The following SAMSN1 variants were observed in gnomAD, a reference collection of about 807,000 sequenced individuals.
SAMSN1 encodes SAM domain-containing protein SAMSN-1.
SAMSN1 carries 31 observed loss-of-function variants against 42.0 expected under a neutral mutation model. The ratio of observed to expected loss-of-function variants is 0.74; its 90% CI spans 0.55 to 1.00. The LOEUF is 1.00. Among genes scored for constraint, SAMSN1 ranks in the 50% least tolerant of loss-of-function variants. The pLI is 0.00. For missense variants in SAMSN1, 464 were observed against 439.4 expected, an observed-to-expected ratio of 1.06 and a Z score of -0.50; for synonymous variants, 178 against 151.9, an observed-to-expected ratio of 1.17 and a Z score of -1.26.
At chr21:14,501,748 AG>A (rs1233432653) in intron 5 of SAMSN1, among the ~76,000 whole-genome samples, 5 of 152,220 alleles carry the variant, frequency 3.3e-5, no homozygotes, top group Non-Finnish European at 5.9e-5. Context: ...ATTCTTTTTA[AG>A]GTATTCATGC....
intron 2 of SAMSN1, among the ~76,000 whole-genome samples, chr21:14,628,683 T>C (rs1317500967): frequency 2.0e-5 from 3 of 152,182 alleles, no homozygotes; most frequent in African/African-American, 7.2e-5. Flanking sequence ...TGAGATCACT[T>C]TGGCAAAGGG....
intron 1 of SAMSN1, among the ~76,000 whole-genome samples, chr21:14,657,692 G>A (rs944409273): frequency 2.0e-5 from 3 of 151,688 alleles, no homozygotes; most frequent in Non-Finnish European, 2.9e-5. Flanking sequence ...ACCTGAAATG[G>A]GATTTCTGCC....
At chr21:14,632,619 T>C (rs1372090758) in intron 2 of SAMSN1, among the ~76,000 whole-genome samples, 1 of 152,202 alleles carries the variant, frequency 6.6e-6, no homozygotes, top group Non-Finnish European at 1.5e-5. Flanking sequence ...TACTCCCAAA[T>C]TTAATGGCTT....
At chr21:14,557,473 A>G (rs1980799422) in intron 2 of SAMSN1, among the ~76,000 whole-genome samples, 1 of 152,134 alleles carries the variant, frequency 6.6e-6, no homozygotes, top group South Asian at 2.1e-4. Context: ...TCATAGTGTG[A>G]CCCAGGTTCC....
intron 5 of SAMSN1, among the ~76,000 whole-genome samples, chr21:14,505,337 G>T (rs1291900129): frequency 2.0e-5 from 3 of 152,148 alleles, no homozygotes; most frequent in Non-Finnish European, 4.4e-5. Flanking sequence ...CAAACTATAT[G>T]CTGCCTTCAA....
intron 1 of SAMSN1, among the ~76,000 whole-genome samples, chr21:14,522,511 T>C (rs571039243): frequency 2.0e-5 from 3 of 152,340 alleles, no homozygotes; most frequent in Non-Finnish European, 4.4e-5. Flanking sequence ...CAGTAATCTA[T>C]AAAACTTTGT....
intron 2 of SAMSN1, among the ~76,000 whole-genome samples, chr21:14,579,465 G>T (rs996846811): frequency 5.3e-5 from 8 of 152,066 alleles, no homozygotes; most frequent in Non-Finnish European, 1.2e-4. Context: ...GGATTTATTA[G>T]AATGAGGAAA....
At chr21:14,611,931 C>T (rs1982718588) in intron 4 of SAMSN1, among the ~76,000 whole-genome samples, 1 of 151,996 alleles carries the variant, frequency 6.6e-6, no homozygotes, top group African/African-American at 2.4e-5. Flanking sequence ...GTTTGGCACA[C>T]TACATTAAAA....
At chr21:14,533,621 C>A (rs1979406285) in intron 1 of SAMSN1, among the ~76,000 whole-genome samples, 1 of 152,134 alleles carries the variant, frequency 6.6e-6, no homozygotes, top group African/African-American at 2.4e-5. Flanking sequence ...AAATATACAA[C>A]TTCAAGGTGA....
At chr21:14,632,493 A>G (rs1342546988) in intron 2 of SAMSN1, among the ~76,000 whole-genome samples, 1 of 152,156 alleles carries the variant, frequency 6.6e-6, no homozygotes, top group African/African-American at 2.4e-5. Flanking sequence ...TAATACAAAT[A>G]ATTGCATTTG....
chr21:14,583,999 A>ATT (rs34155133), upstream of SAMSN1, among the ~76,000 whole-genome samples: 16,903 of 148,978 alleles, frequency 0.11, 1,651 homozygotes, highest in African/African-American at 0.24. Context: ...TGGTTTTACC[A>ATT]TTTTTTTTTT....
At chr21:14,587,893 C>A (rs1260489304), upstream of SAMSN1, among the ~76,000 whole-genome samples, 2 of 102,950 alleles carry the variant, frequency 1.9e-5, no homozygotes, top group East Asian at 7.1e-4. Flanking sequence ...CTATCCCTCC[C>A]CCCTCCCCCC....
intron 2 of SAMSN1, among the ~76,000 whole-genome samples, chr21:14,578,802 G>C (rs193292743): frequency 4.8e-4 from 73 of 150,532 alleles, no homozygotes; most frequent in African/African-American, 1.8e-3. Flanking sequence ...TGGGGTTTAG[G>C]CCCAGCTCCA....
At chr21:14,514,685 G>GT (rs891693890) in intron 3 of SAMSN1, among the ~76,000 whole-genome samples, 4 of 152,050 alleles carry the variant, frequency 2.6e-5, no homozygotes, top group Non-Finnish European at 5.9e-5. Context: ...TTATATTTTT[G>GT]TTTTTATTTA....
chr21:14,506,224 C>T (rs1201554675), intron 5 of SAMSN1, among the ~76,000 whole-genome samples: 2 of 151,714 alleles, frequency 1.3e-5, no homozygotes, highest in Non-Finnish European at 2.9e-5. Flanking sequence ...TAACCAAGGT[C>T]AGAGCAGAAT....
chr21:14,566,962 A>C (rs1170698403), intron 2 of SAMSN1, among the ~76,000 whole-genome samples: 1 of 152,124 alleles, frequency 6.6e-6, no homozygotes, highest in Non-Finnish European at 1.5e-5. Flanking sequence ...ATGACCAAAC[A>C]ATATTGGAAA....
intron 2 of SAMSN1, among the ~76,000 whole-genome samples, chr21:14,641,317 A>T (rs1443979159): frequency 1.3e-5 from 2 of 152,160 alleles, no homozygotes; most frequent in Non-Finnish European, 2.9e-5. Flanking sequence ...TTGCTTTCTA[A>T]CATTGCTTTC....
At chr21:14,586,345 C>T (rs1981919281), upstream of SAMSN1, among the ~76,000 whole-genome samples, 1 of 150,480 alleles carries the variant, frequency 6.6e-6, no homozygotes, top group Non-Finnish European at 1.5e-5. Context: ...TCTCAATTCT[C>T]TTATCCATTA....
At chr21:14,523,753 C>CT (rs1235532460) in intron 1 of SAMSN1, among the ~76,000 whole-genome samples, 1 of 152,116 alleles carries the variant, frequency 6.6e-6, no homozygotes, top group Non-Finnish European at 1.5e-5. Context: ...ATAATGGGTC[C>CT]TGTTGCACAG....
Sources: gnomAD v4.1 joint callset for allele counts (sites outside exome capture counted in the v4.1 genomes callset) on GRCh38, gnomAD v4.1.1 for gene constraint, MANE v1.5 for transcripts, NCBI Gene and HGNC (gene_info 2026-07-23, HGNC 2026-07-21) for gene names.